Variants in PYHIN1 observed in about 807,000 individuals in gnomAD.
The protein encoded by PYHIN1 is pyrin and HIN domain-containing protein 1.
Under a neutral mutation model 43.7 loss-of-function variants are expected in PYHIN1, and 32 were observed. The observed-to-expected ratio is 0.73, with a 90% CI of 0.55 to 0.98. The LOEUF is 0.98. Among genes scored for constraint, PYHIN1 ranks in the 50% least tolerant of loss-of-function variants. PYHIN1 has a pLI of 0.00. For synonymous variants in PYHIN1, 205 were observed against 203.1 expected (o/e 1.01, Z -0.08); for missense variants, 588 against 589.5 (o/e 1.00, Z 0.03).
chr1:158,975,826 A>G (rs1254412738), intron 8 of PYHIN1, among the ~76,000 whole-genome samples: 1 of 152,108 alleles, frequency 6.6e-6, no homozygotes, highest in Non-Finnish European at 1.5e-5. Flanking sequence ...AAAACAGTGG[A>G]TGTGACTAAA....
intron 7 of PYHIN1, among the ~76,000 whole-genome samples, chr1:158,971,425 G>GATATAT (rs57225452): frequency 1.3e-5 from 2 of 149,834 alleles, no homozygotes; most frequent in Admixed American, 6.7e-5. Flanking sequence ...ACATTAACAA[G>GATATAT]ATATATATAT....
At chr1:158,939,342 A>T (rs368207886) in intron 4 of PYHIN1, 95 bp downstream of exon 4, 105 of 1,591,496 alleles carry the variant, frequency 6.6e-5, no homozygotes, top group East Asian at 4.3e-4. Flanking sequence ...ATCAATCATC[A>T]GCCAGTAAAT....
At chr1:158,973,556 A>C in intron 7 of PYHIN1, 91 bp from the exon 8 acceptor site, 1 of 1,370,288 alleles carries the variant, frequency 7.3e-7, no homozygotes, top group Non-Finnish European at 1.0e-6. Context: ...CATGTATTAC[A>C]TCCAACTTAT....
chr1:158,978,450 A>G (rs1003306520), downstream of PYHIN1, among the ~76,000 whole-genome samples: 2 of 152,170 alleles, frequency 1.3e-5, no homozygotes, highest in East Asian at 1.9e-4. Flanking sequence ...AACAGATTTC[A>G]TCTTGAGAAG....
At chr1:158,945,843 G>T (rs900716762) in intron 7 of PYHIN1, among the ~76,000 whole-genome samples, 38 of 152,270 alleles carry the variant, frequency 2.5e-4, no homozygotes, top group African/African-American at 9.1e-4. Flanking sequence ...TGTTGTTCCT[G>T]ATGTACATTA....
At chr1:158,936,616 T>C (rs949474940) in intron 1 of PYHIN1, among the ~76,000 whole-genome samples, 21 of 152,204 alleles carry the variant, frequency 1.4e-4, no homozygotes, top group African/African-American at 4.8e-4. Context: ...TCTCAATAGA[T>C]GCAGAAAAGG....
chr1:158,976,576 A>G (rs1356700093), intron 8 of PYHIN1, 125 bp from the exon 9 acceptor site: 5 of 639,574 alleles, frequency 7.8e-6, no homozygotes, highest in South Asian at 2.3e-5. Flanking sequence ...ATGAGAAAAG[A>G]GTGCTTCAGA....
At chr1:158,937,435 G>C (rs1177687509) in intron 2 of PYHIN1, among the ~76,000 whole-genome samples, 5 of 152,148 alleles carry the variant, frequency 3.3e-5, no homozygotes, top group Admixed American at 6.6e-5. Flanking sequence ...GAGACTTCTA[G>C]TACATTCGAA....
chr1:158,949,168 C>G (rs371708858), intron 7 of PYHIN1, among the ~76,000 whole-genome samples: 4 of 152,218 alleles, frequency 2.6e-5, no homozygotes, highest in African/African-American at 9.6e-5. Context: ...CCCATCCCCC[C>G]ATCAGCCCAA....
At chr1:158,987,466 C>T in the PYHIN1 span, among the ~76,000 whole-genome samples, 1 of 151,966 alleles carries the variant, frequency 6.6e-6, no homozygotes, top group South Asian at 2.1e-4. Context: ...ATATGATTTG[C>T]AAATATTTAC....
chr1:158,962,966 C>T (rs1571770182), intron 7 of PYHIN1, among the ~76,000 whole-genome samples: 1 of 152,202 alleles, frequency 6.6e-6, no homozygotes, highest in East Asian at 1.9e-4. Flanking sequence ...TTCACCTGCG[C>T]TTCCAGCACA....
chr1:158,956,015 A>C (rs1369854988), intron 7 of PYHIN1, among the ~76,000 whole-genome samples: 2 of 144,594 alleles, frequency 1.4e-5, no homozygotes, highest in Admixed American at 6.8e-5. Context: ...GAAATGGATA[A>C]ATTCCTCAAC....
chr1:158,954,532 A>C (rs989133843), intron 7 of PYHIN1, among the ~76,000 whole-genome samples: 2 of 151,886 alleles, frequency 1.3e-5, no homozygotes, highest in African/African-American at 4.8e-5. Context: ...AATAAAATAC[A>C]TTACAGACAA....
intron 7 of PYHIN1, among the ~76,000 whole-genome samples, chr1:158,953,677 T>A (rs1571752530): frequency 6.6e-6 from 1 of 151,980 alleles, no homozygotes; most frequent in African/African-American, 2.4e-5. Context: ...AACTGGAAAC[T>A]CTAAAACACA....
chr1:158,957,430 G>C (rs1377339777), intron 7 of PYHIN1, among the ~76,000 whole-genome samples: 1 of 151,936 alleles, frequency 6.6e-6, no homozygotes, highest in Non-Finnish European at 1.5e-5. Context: ...GAACAGAACA[G>C]AGCCCGCAGA....
intron 7 of PYHIN1, among the ~76,000 whole-genome samples, chr1:158,966,088 C>T (rs879534764): frequency 6.6e-6 from 1 of 152,152 alleles, no homozygotes; most frequent in African/African-American, 2.4e-5. Flanking sequence ...TCAGAGACTA[C>T]TATAATCACC....
intron 7 of PYHIN1, among the ~76,000 whole-genome samples, chr1:158,971,481 G>A (rs941341622): frequency 6.6e-6 from 1 of 151,640 alleles, no homozygotes; most frequent in African/African-American, 2.4e-5. Context: ...AATCTGAAAC[G>A]GTTGTGATTG....
rs745507524 is a variant in PYHIN1 at position 158,944,918 on chromosome 1, T to A, written c.1235T>A (p.Met412Lys). ...CAGAGAAGCCATGACTCCAGGAGCA[T>A]GGCACTACCCCAGGAACAGAGTCAG... ...TNQRSHDSRS[M>K]ALPQEQSQHP... Residue 412 changes from methionine (M) to lysine (K), a missense_variant, in exon 7 of 9, where the codon ATG (methionine) becomes AAG (lysine). By Grantham distance (95) the Met-to-Lys change is moderately conservative. Coordinates refer to ENST00000368140, the MANE Select transcript of PYHIN1 (RefSeq NM_152501.5). 1 of 1,612,874 alleles carries A rather than the reference T, an allele frequency of 6.2e-7. No individual in the cohort carries two copies. Among genetic ancestry groups the A allele is most frequent in the Admixed American group, 1.7e-5 (1 of 59,860 alleles).
rs1273808888 is a variant in PYHIN1 at position 158,933,444 on chromosome 1, C to T, written c.-21+1668C>T. Among the ~76,000 whole-genome samples, 2 of 151,690 alleles carry T rather than the reference C, an allele frequency of 1.3e-5. No individual in the cohort carries two copies. Among genetic ancestry groups the T allele is most frequent in the African/African-American group, 2.4e-5 (1 of 41,352 alleles). ...CTGATAATACTCTTTGTCTTAAGAT[C>T]TTTTAAAAATGATTCTAGCATAGAT... is the stretch of plus-strand genomic sequence containing the variant. On this transcript the variant is annotated intron_variant, in intron 1 of 8. Coordinates refer to ENST00000368140, the MANE Select transcript of PYHIN1 (RefSeq NM_152501.5). The surrounding 1 kb of genome is among the most constrained non-coding windows in gnomAD (Gnocchi z 6.3).
Sources: gnomAD v4.1 joint callset for allele counts (sites outside exome capture counted in the v4.1 genomes callset) on GRCh38, gnomAD v4.1.1 for gene constraint, Gnocchi (gnomAD v3.1) non-coding constraint, MANE v1.5 for transcripts, NCBI Gene and HGNC (gene_info 2026-07-23, HGNC 2026-07-21) for gene names.